MYO18B: variants seen among roughly 807,000 people sequenced by gnomAD.
The protein encoded by MYO18B is unconventional myosin-XVIIIb.
In MYO18B, 204 loss-of-function variants were observed where a neutral mutation model predicts 273.0. That is an observed-to-expected ratio of 0.75 (90% CI 0.67 to 0.84). The LOEUF (loss-of-function observed/expected upper bound fraction) is 0.84. Among genes scored for constraint, MYO18B ranks in the 40% least tolerant of loss-of-function variants. MYO18B has a pLI of 0.00. For missense variants in MYO18B, 3,212 were observed against 3,287.6 expected, an observed-to-expected ratio of 0.98 and a Z score of 0.56; for synonymous variants, 1,330 against 1,305.7, an observed-to-expected ratio of 1.02 and a Z score of -0.40.
chr22:26,040,859 G>A, the MYO18B span, among the ~76,000 whole-genome samples: 89 of 152,274 alleles, frequency 5.8e-4, 1 homozygote, highest in Non-Finnish European at 9.7e-4. Flanking sequence ...AGATGATGTA[G>A]GGCCTTGTAG....
At chr22:25,911,574 C>T (rs2092160020) in intron 33 of MYO18B, among the ~76,000 whole-genome samples, 2 of 152,156 alleles carry the variant, frequency 1.3e-5, no homozygotes, top group South Asian at 4.1e-4. Flanking sequence ...CAGTGTACAC[C>T]AGGGTCCTCA....
chr22:25,990,066 C>T (rs1178854368), intron 39 of MYO18B, among the ~76,000 whole-genome samples: 2 of 152,170 alleles, frequency 1.3e-5, no homozygotes, highest in East Asian at 1.9e-4. Context: ...GCGTCCTTCC[C>T]GCCACCCCTT....
Position 25,748,570 on chromosome 22 carries a change from C to G in MYO18B, c.-110+6277C>G, listed in dbSNP as rs6004752. ...AGTGAGCTGGGTCTCTGGGGTTTCT[C>G]CATGTGTAAAGGCCCCAGGTTCTGA... is the stretch of plus-strand genomic sequence containing the variant. On this transcript the variant is annotated intron_variant, in intron 1 of 43. Coordinates refer to ENST00000335473, the MANE Select transcript of MYO18B (RefSeq NM_032608.7). 1.5e-3 allele frequency among the ~76,000 whole-genome samples: 236 copies of G among 152,296 alleles called. 1 individual carries two copies. Among genetic ancestry groups the G allele is most frequent in the African/African-American group, 5.4e-3 (226 of 41,556 alleles).
chr22:25,819,843 A>T (rs990536735), intron 12 of MYO18B, among the ~76,000 whole-genome samples: 3 of 151,650 alleles, frequency 2.0e-5, no homozygotes, highest in African/African-American at 7.3e-5. Context: ...TAGATTTTTA[A>T]TCTATAAAAT....
chr22:25,768,452 A>G lies in MYO18B; in HGVS notation c.536A>G (p.Lys179Arg). Residue 179 changes from lysine to arginine, a missense_variant, in exon 4 of 44, where the codon AAG (lysine) becomes AGG (arginine). Transcript: ENST00000335473. Reference protein sequence around the residue: ...KTHPHDAPPCKTSPPATDTGK... With the variant: ...KTHPHDAPPCRTSPPATDTGK... Reference sequence around the variant, plus strand: ...CATCCCCATGACGCCCCCCCTTGCAAGACCTCTCCCCCCGCCACAGATACT... The same window carrying G: ...CATCCCCATGACGCCCCCCCTTGCAGGACCTCTCCCCCCGCCACAGATACT... 1 of 901,016 alleles carries G rather than the reference A, an allele frequency of 1.1e-6. No individual in the cohort carries two copies. Among genetic ancestry groups the G allele is most frequent in the Non-Finnish European group, 1.8e-6 (1 of 552,624 alleles). The allele number at this position is 901,016 out of a possible 1,614,324, so 55.8% of individuals were successfully genotyped here.
intron 1 of MYO18B, among the ~76,000 whole-genome samples, chr22:25,757,010 G>A (rs1197884953): frequency 2.0e-5 from 3 of 152,120 alleles, no homozygotes; most frequent in African/African-American, 4.8e-5. Flanking sequence ...GCAGTGAGCC[G>A]AGATCGTGCC....
chr22:25,817,816 A>G (rs2089103510), intron 12 of MYO18B, among the ~76,000 whole-genome samples: 1 of 152,188 alleles, frequency 6.6e-6, no homozygotes, highest in South Asian at 2.1e-4. Flanking sequence ...ATATGATACA[A>G]TATTCATTTA....
chr22:26,061,197 T>G, the MYO18B span, among the ~76,000 whole-genome samples: 1 of 152,210 alleles, frequency 6.6e-6, no homozygotes, highest in African/African-American at 2.4e-5. Context: ...TGCTGTACTG[T>G]TCTCTGTGAT....
At chr22:26,012,791 T>A (rs984013000) in intron 42 of MYO18B, among the ~76,000 whole-genome samples, 1 of 152,244 alleles carries the variant, frequency 6.6e-6, no homozygotes, top group Non-Finnish European at 1.5e-5. Context: ...TTTTAAAATC[T>A]GTGGTTCTCT....
Position 25,883,240 on chromosome 22 carries a change from T to G in MYO18B, c.4314+5192T>G, listed in dbSNP as rs569372641. Among the ~76,000 whole-genome samples, 1 of 152,294 alleles carries G rather than the reference T, an allele frequency of 6.6e-6. No individual in the cohort carries two copies. Among genetic ancestry groups the G allele is most frequent in the East Asian group, 1.9e-4 (1 of 5,186 alleles). On this transcript the variant is annotated intron_variant, in intron 25 of 43. Transcript: ENST00000335473. The surrounding 1 kb of genome is among the most constrained non-coding windows in gnomAD (Gnocchi z 7.6). ...CAGTCACCTGGGGAACAGTTAGCTC[T>G]GTATCTTCCCCAGTCCACCTCCTGA...
chr22:25,882,357 G>GA (rs11386513), intron 25 of MYO18B, among the ~76,000 whole-genome samples: 87,046 of 147,272 alleles, frequency 0.59, 25,624 homozygotes, highest in East Asian at 0.86. Context: ...CATGTAGATT[G>GA]AAAAAAAAAA....
intron 37 of MYO18B, among the ~76,000 whole-genome samples, chr22:25,951,560 C>T (rs930980772): frequency 2.0e-5 from 3 of 152,206 alleles, no homozygotes; most frequent in African/African-American, 7.2e-5. Context: ...GACAGGATCA[C>T]GATCCTCTGC....
At chr22:25,872,866 A>T (rs1446895303) in intron 22 of MYO18B, among the ~76,000 whole-genome samples, 2 of 152,200 alleles carry the variant, frequency 1.3e-5, no homozygotes, top group African/African-American at 4.8e-5. Context: ...GTGTCTCCAG[A>T]TAACCGCCTC....
chr22:25,809,291 A>T (rs1019866786), intron 12 of MYO18B, among the ~76,000 whole-genome samples: 47 of 152,090 alleles, frequency 3.1e-4, no homozygotes, highest in Middle Eastern at 3.4e-3. Flanking sequence ...GTAAGAGTTG[A>T]TGTGCATCTC....
chr22:25,892,848 G>A (rs552386497), intron 27 of MYO18B, among the ~76,000 whole-genome samples: 4 of 152,268 alleles, frequency 2.6e-5, no homozygotes, highest in Non-Finnish European at 4.4e-5. Context: ...CTCTGGCCTT[G>A]GAGGTAATTT....
intron 1 of MYO18B, among the ~76,000 whole-genome samples, chr22:25,748,451 A>T (rs1224651503): frequency 6.6e-6 from 1 of 152,124 alleles, no homozygotes; most frequent in African/African-American, 2.4e-5. Context: ...CAATTAGAGC[A>T]GACTCCAAAT....
At position 25,868,365 on chromosome 22, in the gene MYO18B, G is replaced by A; in HGVS notation, c.3931G>A (p.Val1311Met). 1 of 1,601,446 alleles carries A rather than the reference G, an allele frequency of 6.2e-7. No homozygotes were observed. Among genetic ancestry groups the A allele is most frequent in the Non-Finnish European group, 8.5e-7 (1 of 1,173,994 alleles). The change falls in exon 22 of 44, where the codon GTG (valine) becomes ATG (methionine). Residue 1311 changes from valine (V) to methionine (M), a missense_variant. Val to Met is a conservative substitution (Grantham distance 21, BLOSUM62 1). Coordinates refer to ENST00000335473, the MANE Select transcript of MYO18B (RefSeq NM_032608.7). ...LETLDLEKKA[V>M]AVGHSQVFLK... ...GACCCTGGATCTGGAAAAGAAGGCG[G>A]TGGCTGTGGGGCACAGCCAAGTGAG...
At chr22:25,880,460 G>T (rs1304549406) in intron 25 of MYO18B, among the ~76,000 whole-genome samples, 1 of 151,436 alleles carries the variant, frequency 6.6e-6, no homozygotes, top group Non-Finnish European at 1.5e-5. Context: ...ATTTCTGAGA[G>T]TTTTTTTTTG....
At chr22:25,869,092 G>T (rs985309039) in intron 22 of MYO18B, among the ~76,000 whole-genome samples, 6 of 152,118 alleles carry the variant, frequency 3.9e-5, no homozygotes, top group African/African-American at 1.4e-4. Context: ...GGGAAGTGGG[G>T]CACGGAGATT....
Sources: gnomAD v4.1 joint callset for allele counts (sites outside exome capture counted in the v4.1 genomes callset) on GRCh38, gnomAD v4.1.1 for gene constraint, Gnocchi (gnomAD v3.1) non-coding constraint, MANE v1.5 for transcripts, NCBI Gene and HGNC (gene_info 2026-07-23, HGNC 2026-07-21) for gene names.